Variants in ZNF652 observed in about 807,000 individuals in gnomAD.
ZNF652 encodes zinc finger protein 652.
A neutral mutation model predicts 45.2 loss-of-function variants in ZNF652; 16 were observed. The observed-to-expected ratio is 0.35, with a 90% CI of 0.24 to 0.54. The LOEUF is 0.54. Ranked by LOEUF, ZNF652 falls within the 20% of genes least tolerant of loss-of-function variation. The pLI is 0.91. For synonymous variants in ZNF652, 250 were observed against 260.6 expected (o/e 0.96, Z 0.39); for missense variants, 614 against 765.6 (o/e 0.80, Z 2.34).
chr17:49,314,021 A>G (rs1172518361), intron 2 of ZNF652, among the ~76,000 whole-genome samples: 1 of 139,338 alleles, frequency 7.2e-6, no homozygotes. Context: ...AAAGAAAAGA[A>G]AAGAAAATGC....
At position 49,306,467 on chromosome 17, in the gene ZNF652, T is replaced by G. The variant is rs77138674; in HGVS notation, c.1309+4845A>C. 6.9e-3 allele frequency among the ~76,000 whole-genome samples: 1,051 copies of G among 152,268 alleles called. 9 individuals are homozygous for G. The highest frequency in any genetic ancestry group is 0.024 in the African/African-American group (998 of 41,544). ...CCCTCTGGGTTTTTTCAATTTTTTT[T>G]GGTTTTTAATAGAGATGGTGTCTCG... On this transcript the variant is annotated intron_variant, in intron 5 of 5. Coordinates refer to ENST00000430262, the MANE Select transcript of ZNF652 (RefSeq NM_001145365.3).
At chr17:49,353,490 T>TC in intron 1 of ZNF652, among the ~76,000 whole-genome samples, 1 of 152,146 alleles carries the variant, frequency 6.6e-6, no homozygotes, top group Non-Finnish European at 1.5e-5. Context: ...AAATTTTTTT[T>TC]TTTTGAGACA....
intron 5 of ZNF652, among the ~76,000 whole-genome samples, chr17:49,303,258 T>TTTTTTTTTTTTTTG (rs1598283526): frequency 6.7e-6 from 1 of 149,742 alleles, no homozygotes; most frequent in Non-Finnish European, 1.5e-5. Context: ...TTTTTTTTTT[T>TTTTTTTTTTTTTTG]GAGACAGGGT....
intron 1 of ZNF652, among the ~76,000 whole-genome samples, chr17:49,331,059 A>G (rs528463402): frequency 6.8e-4 from 102 of 150,940 alleles, no homozygotes; most frequent in Non-Finnish European, 1.3e-3. Context: ...GTAAGAGCAA[A>G]ACTCCATCTC....
intron 1 of ZNF652, among the ~76,000 whole-genome samples, chr17:49,348,771 A>T (rs2070239245): frequency 6.6e-6 from 1 of 152,078 alleles, no homozygotes; most frequent in South Asian, 2.1e-4. Flanking sequence ...AGGGAAGTGT[A>T]GTGAGTGTAG....
chr17:49,311,853 C>T, intron 4 of ZNF652, 74 bp downstream of exon 4: 1 of 1,274,890 alleles, frequency 7.8e-7, no homozygotes, highest in Admixed American at 1.9e-5. Context: ...TCCAGCACAC[C>T]TCTCTCTCAC....
chr17:49,312,158 GCTTT>G, intron 3 of ZNF652, 116 bp from the exon 4 acceptor site: 1 of 309,698 alleles, frequency 3.2e-6, no homozygotes, highest in Non-Finnish European at 5.7e-6. Flanking sequence ...GATTTGTGAG[GCTTT>G]TTTTTTTTTT....
intron 1 of ZNF652, among the ~76,000 whole-genome samples, chr17:49,345,893 A>G (rs779015344): frequency 5.9e-5 from 9 of 152,136 alleles, no homozygotes; most frequent in Non-Finnish European, 1.0e-4. Flanking sequence ...TTCAATGCCT[A>G]AGATCATTTA....
rs71369295 is a variant in ZNF652, at chr17:49,337,337, TAA to T, written c.-258-19356_-258-19355del. Among the ~76,000 whole-genome samples the T allele has an allele frequency of 3.5e-3, 454 of 130,484 alleles. 1 individual carries two copies. Among genetic ancestry groups the T allele is most frequent in the Middle Eastern group, 7.8e-3 (2 of 256 alleles). The allele number at this position is 130,484 out of a possible 152,430, so 85.6% of individuals were successfully genotyped here. On this transcript the variant is annotated intron_variant, in intron 1 of 5. Transcript: ENST00000430262. ...GGCAACAGACCAATACCCATTCTCT[TAA>T]AAAAAAAAAAAAAAAGAAAAAAGAA...
intron 1 of ZNF652, among the ~76,000 whole-genome samples, chr17:49,344,212 A>G (rs1296283745): frequency 6.8e-6 from 1 of 146,580 alleles, no homozygotes; most frequent in Non-Finnish European, 1.5e-5. Flanking sequence ...AAAAAAAAAA[A>G]TAATTAGCTA....
chr17:49,309,554 T>C (rs1446774481), intron 5 of ZNF652, among the ~76,000 whole-genome samples: 4 of 150,226 alleles, frequency 2.7e-5, no homozygotes, highest in East Asian at 1.9e-4. Context: ...CCAAAACTTA[T>C]GCTGTTTAGT....
intron 5 of ZNF652, among the ~76,000 whole-genome samples, chr17:49,308,924 A>G (rs1220486014): frequency 6.6e-6 from 1 of 152,206 alleles, no homozygotes; most frequent in African/African-American, 2.4e-5. Flanking sequence ...AATTTATACA[A>G]TAACTAAAAT....
At chr17:49,334,428 G>A (rs1314763749) in intron 1 of ZNF652, among the ~76,000 whole-genome samples, 1 of 152,018 alleles carries the variant, frequency 6.6e-6, no homozygotes, top group Non-Finnish European at 1.5e-5. Context: ...AGGCTGCAGT[G>A]AGCCATGATC....
intron 2 of ZNF652, 86 bp downstream of exon 2, chr17:49,316,740 C>T: frequency 1.5e-6 from 2 of 1,372,750 alleles, no homozygotes; most frequent in East Asian, 2.3e-5. Context: ...GCCTCTATTG[C>T]ATTTATTCTC....
chr17:49,343,379 C>T (rs568078612), intron 1 of ZNF652, among the ~76,000 whole-genome samples: 4 of 152,270 alleles, frequency 2.6e-5, no homozygotes, highest in African/African-American at 9.6e-5. Context: ...ACCTTACACA[C>T]CACAGACATT....
rs779816716 is a variant in ZNF652, at chr17:49,298,639, A to C, written c.1595T>G (p.Met532Arg). Residue 532 changes from methionine (M) to arginine (R), a missense_variant, in exon 6 of 6, where the codon ATG becomes AGG. Met to Arg is a moderately conservative substitution (Grantham distance 91, BLOSUM62 -1). This residue lies in a region of ZNF652 where 132 missense variants were observed against 137.2 expected (regional missense o/e 0.96). Transcript: ENST00000430262. The stretch of plus-strand genomic sequence containing the variant: ...AGGGGGAAGAGTGCTTACAGGATTC[A>C]TATTGATTGGAGGGGTTGGGGTTGT... The part of the protein sequence containing the change: ...TATTPTPPIN[M>R]NPVSTLPPRP... 1.2e-6 allele frequency: 2 copies of C among 1,613,316 alleles called. No homozygotes were observed. Among genetic ancestry groups the C allele is most frequent in the African/African-American group, 2.7e-5 (2 of 74,662 alleles).
In ZNF652 at chr17:49,351,008, TATATATACACACACACACAC is replaced by T. The variant is rs1348051658; in HGVS notation, c.-259+10881_-259+10900del. On this transcript the variant is annotated intron_variant, in intron 1 of 5. Coordinates refer to ENST00000430262, the MANE Select transcript of ZNF652 (RefSeq NM_001145365.3). ...ATATATATATATATATATATATATATATATATACACACACACACACACACACACACACACACACACACACA... is the reference window on the plus strand; with the variant it reads ...ATATATATATATATATATATATATATACACACACACACACACACACACACA... Among the ~76,000 whole-genome samples the T allele has an allele frequency of 3.3e-3, 61 of 18,458 alleles. 2 individuals are homozygous for T. The East Asian group carries it at 0.047, about 14-fold the overall frequency. The allele number at this position is 18,458 out of a possible 152,430, so 12.1% of individuals were successfully genotyped here.
chr17:49,323,874 T>C (rs2143826526), intron 1 of ZNF652, among the ~76,000 whole-genome samples: 1 of 152,358 alleles, frequency 6.6e-6, no homozygotes, highest in Non-Finnish European at 1.5e-5. Flanking sequence ...CAGGCTTTGT[T>C]GTTTCATTTC....
At chr17:49,354,185 G>GTT (rs2070309951) in intron 1 of ZNF652, among the ~76,000 whole-genome samples, 1 of 151,814 alleles carries the variant, frequency 6.6e-6, no homozygotes, top group African/African-American at 2.4e-5. Context: ...CTTAGCAATA[G>GTT]TTTCTTATTA....
Sources: gnomAD v4.1 joint callset for allele counts (sites outside exome capture counted in the v4.1 genomes callset) on GRCh38, gnomAD v4.1.1 for gene constraint, gnomAD v4.1.1 regional missense constraint, MANE v1.5 for transcripts, NCBI Gene and HGNC (gene_info 2026-07-23, HGNC 2026-07-21) for gene names.